BTBD18: variants seen among roughly 807,000 people sequenced by gnomAD.
BTBD18 encodes the protein BTB/POZ domain-containing protein 18.
For missense variants in BTBD18, 787 were observed against 846.3 expected (o/e 0.93, Z 0.87); for synonymous variants, 311 against 324.4 (o/e 0.96, Z 0.44).
chr11:57,744,020 A>C lies in BTBD18; in HGVS notation c.*114T>G. 2.7e-6 allele frequency: 2 copies of C among 736,080 alleles called. No individual in the cohort carries two copies. Among genetic ancestry groups the C allele is most frequent in the South Asian group, 3.9e-5 (2 of 51,054 alleles). The allele number at this position is 736,080 out of a possible 1,614,324, so 45.6% of individuals were successfully genotyped here. On this transcript the variant is annotated 3_prime_UTR_variant, in exon 3 of 3. Transcript: ENST00000422652. ...GGGAGGAAGGGACCTACAAAGAGCC[A>C]GGGTACACCTGCCTCTTGTGCTGAG...
Position 57,743,881 on chromosome 11 carries a change from A to C in BTBD18, c.*253T>G, listed in dbSNP as rs543279451. The C allele has an allele frequency of 5.2e-6, 2 of 387,038 alleles. No homozygotes were observed. The highest frequency in any genetic ancestry group is 9.4e-6 in the Non-Finnish European group (2 of 213,502). The allele number at this position is 387,038 out of a possible 1,614,324, so 24.0% of individuals were successfully genotyped here. On this transcript the variant is annotated 3_prime_UTR_variant, in exon 3 of 3. Transcript: ENST00000422652. Reference sequence around the variant, plus strand: ...GACCCACCAGAATTGGGGAGCACACAGTTTGTTTCAGTTGTCACTAACCGG... The same window carrying C: ...GACCCACCAGAATTGGGGAGCACACCGTTTGTTTCAGTTGTCACTAACCGG...
chr11:57,752,929 T>C (rs1051667894), upstream of BTBD18, among the ~76,000 whole-genome samples: 1 of 152,172 alleles, frequency 6.6e-6, no homozygotes, highest in Non-Finnish European at 1.5e-5. Flanking sequence ...GGCGCGAGGG[T>C]TTCTGGGAAT....
chr11:57,747,383 C>G (rs1275587523), intron 2 of BTBD18, among the ~76,000 whole-genome samples: 1 of 152,208 alleles, frequency 6.6e-6, no homozygotes, highest in East Asian at 1.9e-4. Flanking sequence ...CCCAAAAAAC[C>G]TCTCTCATTT....
At chr11:57,746,805 CAAAAA>C (rs35274578) in intron 2 of BTBD18, among the ~76,000 whole-genome samples, 1 of 95,528 alleles carries the variant, frequency 1.0e-5, no homozygotes, top group African/African-American at 4.5e-5. Flanking sequence ...ACCTTGTCTC[CAAAAA>C]AAAAAAAAAA....
chr11:57,744,444 A>C lies in BTBD18; in HGVS notation c.1829T>G (p.Leu610Arg), dbSNP rs1471737172. ...SQPLDGQEDKLLHVSSLDTPQ... is the reference protein window; with the variant it reads ...SQPLDGQEDKRLHVSSLDTPQ... Reference sequence around the variant, plus strand: ...AGTATCAAGGGAGCTGACATGGAGAAGTTTGTCTTCCTGACCATCCAGTGG... The same window carrying C: ...AGTATCAAGGGAGCTGACATGGAGACGTTTGTCTTCCTGACCATCCAGTGG... Residue 610 changes from leucine (L) to arginine (R), a missense_variant, in exon 3 of 3, where the codon CTT becomes CGT. Physicochemically the swap from Leu to Arg is moderately radical, Grantham distance 102. Transcript: ENST00000422652. 1.3e-6 allele frequency: 2 copies of C among 1,551,628 alleles called. No individual in the cohort carries two copies. The highest frequency in any genetic ancestry group is 2.4e-5 in the East Asian group (1 of 40,914).
chr11:57,749,524 G>C lies in BTBD18; in HGVS notation c.124+1541C>G, dbSNP rs528671649. On this transcript the variant is annotated intron_variant, in intron 2 of 2. Coordinates refer to ENST00000422652, the MANE Select transcript of BTBD18 (RefSeq NM_001145101.3). ...AGCACTTTGAGAGGCCAAGGCAGGTGGATCACCTGAGGTCAGGAGTTCAAG... is the reference window on the plus strand; with the variant it reads ...AGCACTTTGAGAGGCCAAGGCAGGTCGATCACCTGAGGTCAGGAGTTCAAG... Among the ~76,000 whole-genome samples, 9 of 152,146 alleles carry C rather than the reference G, an allele frequency of 5.9e-5. No individual in the cohort carries two copies. The East Asian group carries it at 1.7e-3, about 29-fold the overall frequency.
upstream of BTBD18, chr11:57,751,871 G>C (rs1168879416): frequency 6.6e-6 from 1 of 152,174 alleles, no homozygotes; most frequent in Non-Finnish European, 1.5e-5. Flanking sequence ...GCACAATAAA[G>C]AAGAGAAGCC....
intron 2 of BTBD18, among the ~76,000 whole-genome samples, chr11:57,749,402 A>G (rs186568224): frequency 1.3e-5 from 2 of 152,324 alleles, no homozygotes; most frequent in East Asian, 3.9e-4. Flanking sequence ...CAACTCATTC[A>G]TATGTAGAAT....
chr11:57,746,283 T>G (rs2135691924), intron 2 of BTBD18, 135 bp from the exon 3 acceptor site: 1 of 702,172 alleles, frequency 1.4e-6, no homozygotes, highest in South Asian at 2.5e-5. Flanking sequence ...AGAAAAAAAT[T>G]ATTCTTCTGC....
At position 57,744,191 on chromosome 11, in the gene BTBD18, G is replaced by A. The variant is rs1289126582; in HGVS notation, c.2082C>T (p.Pro694=). 4 of 1,551,602 alleles carry A rather than the reference G, an allele frequency of 2.6e-6. No individual in the cohort carries two copies. The highest frequency in any genetic ancestry group is 2.6e-6 in the Non-Finnish European group (3 of 1,146,960). The change falls in exon 3 of 3, where the codon CCC becomes CCT. Residue 694 remains proline, a synonymous_variant. Coordinates refer to ENST00000422652, the MANE Select transcript of BTBD18 (RefSeq NM_001145101.3). ...AEGRLVPTTV[P]SVWPDPSSES... ...CTGAGGAAGGGTCAGGCCACACGGA[G>A]GGAACAGTAGTGGGTACCAGCCTCC...
At chr11:57,747,194 A>G (rs1430438722) in intron 2 of BTBD18, among the ~76,000 whole-genome samples, 1 of 152,108 alleles carries the variant, frequency 6.6e-6, no homozygotes, top group African/African-American at 2.4e-5. Context: ...TTCCCAGGCA[A>G]TCTCACTTTG....
chr11:57,744,729 T>C lies in BTBD18; in HGVS notation c.1544A>G (p.Glu515Gly). 1.9e-6 allele frequency: 3 copies of C among 1,551,708 alleles called. No individual in the cohort carries two copies. The highest frequency in any genetic ancestry group is 2.6e-6 in the Non-Finnish European group (3 of 1,146,994). Residue 515 changes from glutamate to glycine, a missense_variant, in exon 3 of 3, where the codon GAG becomes GGG. Coordinates refer to ENST00000422652, the MANE Select transcript of BTBD18 (RefSeq NM_001145101.3). ...SDIEPPIGSL[E>G]SPGAEGCRTP... ...TCTGCAGCCCTCAGCCCCTGGACTC[T>C]CCAGAGACCCTATAGGTGGTTCAAT...
Position 57,744,221 on chromosome 11 carries a change from T to C in BTBD18, c.2052A>G (p.Ala684=). 2 of 1,551,708 alleles carry C rather than the reference T, an allele frequency of 1.3e-6. No homozygotes were observed. Among genetic ancestry groups the C allele is most frequent in the Non-Finnish European group, 1.7e-6 (2 of 1,146,988 alleles). ...CAGTAGTGGGTACCAGCCTCCCCTC[T>C]GCTGTCCAGTCCACCACATCAATCT... is the stretch of plus-strand genomic sequence containing the variant. ...EEEIDVVDWT[A]EGRLVPTTVP... Residue 684 remains alanine, a synonymous_variant, in exon 3 of 3, where the codon GCA becomes GCG. Transcript: ENST00000422652.
At chr11:57,752,111 C>T (rs1191477430), upstream of BTBD18, among the ~76,000 whole-genome samples, 2 of 152,218 alleles carry the variant, frequency 1.3e-5, no homozygotes, top group African/African-American at 2.4e-5. Flanking sequence ...CTTTTTAGCT[C>T]CGAAACCCCC....
rs1358764135 is a variant in BTBD18 at position 57,745,765 on chromosome 11, T to C, written c.508A>G (p.Asn170Asp). 7.7e-6 allele frequency: 12 copies of C among 1,551,568 alleles called. No homozygotes were observed. The East Asian group carries it at 2.9e-4, about 38-fold the overall frequency. ...SHHPHTPLPTNQTPCPLGAIR... is the reference protein window; with the variant it reads ...SHHPHTPLPTDQTPCPLGAIR... ...GCCCCAAGAGGACAAGGAGTTTGAT[T>C]AGTGGGCAGTGGGGTGTGAGGGTGG... Residue 170 changes from asparagine to aspartate, a missense_variant, in exon 3 of 3, where the codon AAT (asparagine) becomes GAT (aspartate). Asn to Asp is a conservative substitution (Grantham distance 23). Coordinates refer to ENST00000422652, the MANE Select transcript of BTBD18 (RefSeq NM_001145101.3).
At position 57,744,504 on chromosome 11, in the gene BTBD18, C is replaced by T. The variant is rs751365973; in HGVS notation, c.1769G>A (p.Arg590His). ...EVSEVLSVGG[R>H]WTPDLEITSS... ...GGTAATTTCAAGGTCTGGTGTCCAA[C>T]GGCCTCCTACTGAAAGCACTTCACT... Residue 590 changes from arginine (R) to histidine (H), a missense_variant, in exon 3 of 3, where the codon CGT (arginine) becomes CAT (histidine). Arg to His is a conservative substitution (Grantham distance 29). Coordinates refer to ENST00000422652, the MANE Select transcript of BTBD18 (RefSeq NM_001145101.3). 23 of 1,551,506 alleles carry T rather than the reference C, an allele frequency of 1.5e-5. No individual in the cohort carries two copies. Among genetic ancestry groups the T allele is most frequent in the South Asian group, 3.6e-5 (3 of 84,064 alleles).
intron 2 of BTBD18, among the ~76,000 whole-genome samples, chr11:57,747,389 C>T (rs1359419229): frequency 6.6e-6 from 1 of 152,232 alleles, no homozygotes; most frequent in African/African-American, 2.4e-5. Context: ...AAACCTCTCT[C>T]ATTTTCTACT....
At chr11:57,752,199 G>A (rs1018199212), upstream of BTBD18, among the ~76,000 whole-genome samples, 2 of 152,138 alleles carry the variant, frequency 1.3e-5, no homozygotes, top group Non-Finnish European at 1.5e-5. Context: ...AACAGTTCAC[G>A]TCAAAACTAT....
At position 57,745,267 on chromosome 11, in the gene BTBD18, T is replaced by G; in HGVS notation, c.1006A>C (p.Arg336=). The G allele has an allele frequency of 6.4e-7, 1 of 1,551,738 alleles. No individual in the cohort carries two copies. The highest frequency in any genetic ancestry group is 8.7e-7 in the Non-Finnish European group (1 of 1,146,992). ...GCCCTGACTTCAGGGCTCCGCTTCC[T>G]GCTCCCACCTGTCTTTCCCAGACCA... ...PSGLGKTGGS[R]KRSPEVRAPN... Residue 336 remains arginine, a synonymous_variant, in exon 3 of 3, where the codon AGG becomes CGG. Coordinates refer to ENST00000422652, the MANE Select transcript of BTBD18 (RefSeq NM_001145101.3).
Sources: allele counts gnomAD v4.1 joint callset (sites outside exome capture counted in the v4.1 genomes callset), GRCh38; gene constraint gnomAD v4.1.1; transcripts MANE v1.5; gene names NCBI Gene and HGNC (gene_info 2026-07-23, HGNC 2026-07-21).